NBAS: variants seen among roughly 807,000 people sequenced by gnomAD.
NBAS encodes NAG/BC035112 fusion.
In NBAS, 219 loss-of-function variants were observed where a neutral mutation model predicts 302.5. That is an observed-to-expected ratio of 0.72 (90% CI 0.65 to 0.81). NBAS has a LOEUF of 0.81. Among genes scored for constraint, NBAS ranks in the 30% least tolerant of loss-of-function variants. NBAS has a pLI of 0.00. For synonymous variants in NBAS, 1,118 were observed against 1,021.6 expected, an observed-to-expected ratio of 1.09 and a Z score of -1.80; for missense variants, 2,932 against 2,841.6, an observed-to-expected ratio of 1.03 and a Z score of -0.72.
rs566416280 is a variant in NBAS at position 15,342,391 on chromosome 2, G to A, written c.4179+9601C>T. Among the ~76,000 whole-genome samples, 7 of 152,102 alleles carry A rather than the reference G, an allele frequency of 4.6e-5. No individual in the cohort carries two copies. In the East Asian group the frequency reaches 1.2e-3, roughly 25 times the overall value. Reference sequence around the variant, plus strand: ...ATGCCATTATGTAAATGGTCTATATGGAATCACAAGGGCAGATTCAATGAC... The same window carrying A: ...ATGCCATTATGTAAATGGTCTATATAGAATCACAAGGGCAGATTCAATGAC... On this transcript the variant is annotated intron_variant, in intron 35 of 51. Transcript: ENST00000281513.
chr2:15,340,516 A>C (rs1042394458), intron 35 of NBAS, among the ~76,000 whole-genome samples: 1 of 152,172 alleles, frequency 6.6e-6, no homozygotes, highest in African/African-American at 2.4e-5. Context: ...GGTTGTCTAT[A>C]AGAAATTAAC....
At chr2:15,040,177 C>G in the NBAS span, among the ~76,000 whole-genome samples, 1 of 152,162 alleles carries the variant, frequency 6.6e-6, no homozygotes, top group African/African-American at 2.4e-5. Flanking sequence ...AGAGCGTGGA[C>G]TGTTTTTCTC....
the NBAS span, among the ~76,000 whole-genome samples, chr2:15,124,070 A>G: frequency 6.6e-6 from 1 of 152,204 alleles, no homozygotes; most frequent in Non-Finnish European, 1.5e-5. Flanking sequence ...CCAGGCTGAC[A>G]AGGTCTCAGA....
rs1386715508 is a variant in NBAS, at chr2:15,218,805, C to T, written c.6400G>A (p.Ala2134Thr). ...SKLLVFFRTE[A>T]ILKASWPQRQ... ...TGGGGCCAGGAGGCTTTGAGAATGG[C>T]TTCAGTTCTAAAGAACACGAGGAGC... Residue 2134 changes from alanine to threonine, a missense_variant, in exon 48 of 52, where the codon GCC (alanine) becomes ACC (threonine). Coordinates refer to ENST00000281513, the MANE Select transcript of NBAS (RefSeq NM_015909.4). The T allele has an allele frequency of 2.5e-6, 4 of 1,614,252 alleles. No homozygotes were observed. The highest frequency in any genetic ancestry group is 3.4e-6 in the Non-Finnish European group (4 of 1,180,050).
chr2:14,856,888 T>A, the NBAS span, among the ~76,000 whole-genome samples: 5 of 152,228 alleles, frequency 3.3e-5, no homozygotes, highest in African/African-American at 1.2e-4. Context: ...CAAATTATCC[T>A]TGTTTGCTGA....
At chr2:14,973,605 C>T in the NBAS span, among the ~76,000 whole-genome samples, 1 of 152,130 alleles carries the variant, frequency 6.6e-6, no homozygotes, top group African/African-American at 2.4e-5. Flanking sequence ...CTTCAAACTA[C>T]AGAACAGGAA....
At chr2:14,861,218 G>T in the NBAS span, among the ~76,000 whole-genome samples, 1 of 152,158 alleles carries the variant, frequency 6.6e-6, no homozygotes, top group African/African-American at 2.4e-5. Flanking sequence ...GATGTACAAT[G>T]AATCTAATTC....
chr2:14,885,276 A>C, the NBAS span, among the ~76,000 whole-genome samples: 1 of 152,174 alleles, frequency 6.6e-6, no homozygotes, highest in Non-Finnish European at 1.5e-5. Flanking sequence ...GAAATGGGTG[A>C]GTTTGAGATA....
chr2:15,551,418 T>C, intron 6 of NBAS, 75 bp downstream of exon 6: 1 of 983,122 alleles, frequency 1.0e-6, no homozygotes, highest in South Asian at 1.6e-5. Flanking sequence ...TAATATCTAT[T>C]CTAACTTTTA....
At chr2:14,884,937 G>C in the NBAS span, among the ~76,000 whole-genome samples, 1 of 152,164 alleles carries the variant, frequency 6.6e-6, no homozygotes, top group East Asian at 1.9e-4. Flanking sequence ...ACTGAGGTAA[G>C]AGGAGGAAAG....
intron 31 of NBAS, among the ~76,000 whole-genome samples, chr2:15,368,732 T>C (rs564505299): frequency 3.2e-4 from 49 of 152,332 alleles, no homozygotes; most frequent in East Asian, 1.4e-3. Flanking sequence ...CTTGGCCCTG[T>C]GACATCTACA....
chr2:14,792,930 C>A, the NBAS span, among the ~76,000 whole-genome samples: 1 of 152,070 alleles, frequency 6.6e-6, no homozygotes. Context: ...CCCAATGTGA[C>A]TATATTTATA....
chr2:14,790,004 G>C, the NBAS span, among the ~76,000 whole-genome samples: 1 of 152,202 alleles, frequency 6.6e-6, no homozygotes, highest in African/African-American at 2.4e-5. Flanking sequence ...CATTTATTGA[G>C]CTATTACTAT....
the NBAS span, among the ~76,000 whole-genome samples, chr2:14,802,602 C>T: frequency 5.9e-5 from 9 of 151,552 alleles, no homozygotes; most frequent in East Asian, 1.6e-3. Flanking sequence ...ATGTTTATTG[C>T]AGCATTATTC....
chr2:15,188,535 G>C (rs894184180), intron 49 of NBAS, among the ~76,000 whole-genome samples: 1 of 152,190 alleles, frequency 6.6e-6, no homozygotes. Flanking sequence ...TGATAGGAGG[G>C]GAGGGGGTGA....
chr2:15,455,915 C>T (rs1679230505), intron 21 of NBAS, among the ~76,000 whole-genome samples: 1 of 151,988 alleles, frequency 6.6e-6, no homozygotes, highest in Admixed American at 6.6e-5. Context: ...CTGAAATATG[C>T]TATAGGCACC....
chr2:15,011,938 A>G, the NBAS span, among the ~76,000 whole-genome samples: 14 of 152,200 alleles, frequency 9.2e-5, no homozygotes, highest in African/African-American at 3.4e-4. Flanking sequence ...TAAAAAATCT[A>G]CTCCATACAG....
At chr2:15,458,756 T>C (rs923775672) in intron 21 of NBAS, among the ~76,000 whole-genome samples, 8 of 152,208 alleles carry the variant, frequency 5.3e-5, no homozygotes, top group Non-Finnish European at 8.8e-5. Flanking sequence ...AGAGATATTA[T>C]TGTAACCTAT....
the NBAS span, among the ~76,000 whole-genome samples, chr2:15,098,409 TGA>T: frequency 1.0e-5 from 1 of 95,238 alleles, no homozygotes; most frequent in Non-Finnish European, 1.8e-5. Flanking sequence ...ATATTATATA[TGA>T]TATATTGTAT....
Sources: gnomAD v4.1 joint callset for allele counts (sites outside exome capture counted in the v4.1 genomes callset) on GRCh38, gnomAD v4.1.1 for gene constraint, MANE v1.5 for transcripts, NCBI Gene and HGNC (gene_info 2026-07-23, HGNC 2026-07-21) for gene names.